WWOX: variants seen among roughly 807,000 people sequenced by gnomAD.
WWOX encodes the protein WW domain-containing oxidoreductase.
In WWOX, 69 loss-of-function variants were observed where a neutral mutation model predicts 46.2. The ratio of observed to expected loss-of-function variants is 1.49; its 90% confidence interval spans 1.23 to 1.82. The LOEUF (loss-of-function observed/expected upper bound fraction) is 1.82, where lower values mean the gene tolerates loss of function less well. Among genes scored for constraint, WWOX ranks in the 40% most tolerant of loss-of-function variants. The pLI is 0.00. For missense variants in WWOX, 919 were observed against 542.6 expected, an observed-to-expected ratio of 1.69 and a Z score of -6.89; for synonymous variants, 359 against 202.6, an observed-to-expected ratio of 1.77 and a Z score of -6.56.
chr16:78,606,036 A>G (rs1471317543), intron 8 of WWOX, among the ~76,000 whole-genome samples: 1 of 152,212 alleles, frequency 6.6e-6, no homozygotes, highest in East Asian at 1.9e-4. Flanking sequence ...ACTAGTTAGG[A>G]GACACATTCT....
At chr16:78,355,740 A>T (rs979652676) in intron 5 of WWOX, 19 of 713,654 alleles carry the variant, frequency 2.7e-5, no homozygotes, top group Admixed American at 5.7e-5. Context: ...GAAACATATG[A>T]AGAGACATAT....
chr16:78,918,474 A>G (rs1043854688), intron 8 of WWOX, among the ~76,000 whole-genome samples: 1 of 152,030 alleles, frequency 6.6e-6, no homozygotes, highest in Non-Finnish European at 1.5e-5. Context: ...TCTCGGTTTC[A>G]GGACCCACGT....
intron 7 of WWOX, among the ~76,000 whole-genome samples, chr16:78,425,317 T>G (rs1044975495): frequency 2.0e-5 from 3 of 152,210 alleles, no homozygotes; most frequent in African/African-American, 7.2e-5. Flanking sequence ...AGAGATGGAA[T>G]AATAATTGAT....
intron 8 of WWOX, among the ~76,000 whole-genome samples, chr16:79,036,524 C>A (rs984920016): frequency 6.6e-6 from 1 of 152,200 alleles, no homozygotes; most frequent in Admixed American, 6.5e-5. Flanking sequence ...TAAGGAAGTG[C>A]CAGAGTCAGG....
chr16:78,237,618 A>C (rs1328154316), intron 5 of WWOX: 1 of 152,206 alleles, frequency 6.6e-6, no homozygotes, highest in East Asian at 1.9e-4. Flanking sequence ...CCATGGACAA[A>C]ATACAGCCGG....
intron 5 of WWOX, among the ~76,000 whole-genome samples, chr16:78,357,030 C>G (rs1201070982): frequency 6.6e-6 from 1 of 152,210 alleles, no homozygotes; most frequent in African/African-American, 2.4e-5. Context: ...TTGCTGACAT[C>G]CATTTATCAA....
At chr16:78,878,755 C>G (rs1210879163) in intron 8 of WWOX, among the ~76,000 whole-genome samples, 4 of 151,990 alleles carry the variant, frequency 2.6e-5, no homozygotes, top group Non-Finnish European at 5.9e-5. Flanking sequence ...AGTGAAGTTG[C>G]TTGCTTGAAA....
At chr16:78,148,766 C>T (rs1418848771) in intron 4 of WWOX, among the ~76,000 whole-genome samples, 3 of 151,698 alleles carry the variant, frequency 2.0e-5, no homozygotes, top group African/African-American at 4.8e-5. Flanking sequence ...GGCATGGTGG[C>T]GGGCGCCTGT....
intron 8 of WWOX, among the ~76,000 whole-genome samples, chr16:79,111,304 C>G (rs570329342): frequency 6.6e-6 from 1 of 152,338 alleles, no homozygotes; most frequent in African/African-American, 2.4e-5. Flanking sequence ...CATTGTTTCT[C>G]TGTCATGTTT....
chr16:78,768,770 G>C (rs929086507), intron 8 of WWOX, among the ~76,000 whole-genome samples: 4 of 152,254 alleles, frequency 2.6e-5, no homozygotes, highest in Middle Eastern at 3.4e-3. Context: ...TTCACAGCTT[G>C]CTGGTGGGTC....
chr16:78,827,108 G>C (rs746399763), intron 8 of WWOX, among the ~76,000 whole-genome samples: 4 of 152,080 alleles, frequency 2.6e-5, no homozygotes, highest in Non-Finnish European at 5.9e-5. Context: ...CTCCTCTCCA[G>C]AACTCCAGGA....
At chr16:79,094,182 G>T (rs543786902) in intron 8 of WWOX, among the ~76,000 whole-genome samples, 29 of 151,632 alleles carry the variant, frequency 1.9e-4, no homozygotes, top group Admixed American at 1.6e-3. Context: ...AAAGTTCGTC[G>T]TGTGCCGATA....
intron 8 of WWOX, among the ~76,000 whole-genome samples, chr16:78,667,441 C>T (rs570449481): frequency 5.3e-5 from 8 of 151,970 alleles, no homozygotes; most frequent in South Asian, 4.2e-4. Flanking sequence ...GAGGCCGAGG[C>T]GGGTGGATCA....
intron 8 of WWOX, among the ~76,000 whole-genome samples, chr16:78,939,274 C>G (rs943008729): frequency 2.0e-5 from 3 of 152,186 alleles, no homozygotes; most frequent in Non-Finnish European, 2.9e-5. Context: ...AAGGCAGTAC[C>G]TGGTCTAGAG....
At chr16:78,623,342 C>A (rs964645461) in intron 8 of WWOX, among the ~76,000 whole-genome samples, 5 of 152,118 alleles carry the variant, frequency 3.3e-5, no homozygotes, top group African/African-American at 1.2e-4. Flanking sequence ...AGTTACTCAC[C>A]AGGTTTCAGA....
chr16:79,023,902 G>C (rs373076777), intron 8 of WWOX, among the ~76,000 whole-genome samples: 1 of 152,074 alleles, frequency 6.6e-6, no homozygotes, highest in Non-Finnish European at 1.5e-5. Flanking sequence ...GTTGCAGTGA[G>C]ACAAGATTGT....
intron 8 of WWOX, among the ~76,000 whole-genome samples, chr16:78,608,604 T>C (rs2045821573): frequency 6.6e-6 from 1 of 152,168 alleles, no homozygotes; most frequent in African/African-American, 2.4e-5. Context: ...TGCAGACCCA[T>C]ACTGTGGAAG....
intron 8 of WWOX, among the ~76,000 whole-genome samples, chr16:79,128,418 C>G (rs532928617): frequency 3.2e-4 from 49 of 152,024 alleles, no homozygotes; most frequent in Middle Eastern, 3.4e-3. Context: ...CAAATTTGTC[C>G]TTTTAACACT....
At chr16:79,183,974 C>G (rs546092156) in intron 8 of WWOX, among the ~76,000 whole-genome samples, 1 of 152,204 alleles carries the variant, frequency 6.6e-6, no homozygotes, top group Non-Finnish European at 1.5e-5. Flanking sequence ...TGCCTTTGCC[C>G]TTGTCACTTT....
Sources: gnomAD v4.1 joint callset for allele counts (sites outside exome capture counted in the v4.1 genomes callset) on GRCh38, gnomAD v4.1.1 for gene constraint, MANE v1.5 for transcripts, NCBI Gene and HGNC (gene_info 2026-07-23, HGNC 2026-07-21) for gene names.